PSMD1: variants seen among roughly 807,000 people sequenced by gnomAD.
PSMD1 encodes the protein 26S proteasome non-ATPase regulatory subunit 1.
A neutral mutation model predicts 119.0 loss-of-function variants in PSMD1; 18 were observed. The observed-to-expected ratio is 0.15, with a 90% CI of 0.10 to 0.22. PSMD1 has a LOEUF of 0.22. Among genes scored for constraint, PSMD1 ranks in the 10% least tolerant of loss-of-function variants. The pLI is 1.00. For synonymous variants in PSMD1, 374 were observed against 396.6 expected (o/e 0.94, Z 0.68); for missense variants, 702 against 1,158.5 (o/e 0.61, Z 5.72).
intron 1 of PSMD1, 53 bp from the exon 2 acceptor site, chr2:231,061,214 T>C: frequency 6.9e-7 from 1 of 1,439,810 alleles, no homozygotes; most frequent in Non-Finnish European, 9.6e-7. Context: ...GGTGTTAATT[T>C]CCACTTTAGT....
At chr2:231,109,157 T>C (rs1559233710) in intron 16 of PSMD1, 2 of 1,614,188 alleles carry the variant, frequency 1.2e-6, no homozygotes, top group Non-Finnish European at 8.5e-7. Context: ...TTCATCCCTT[T>C]GGAAAACTGT....
At chr2:231,149,835 A>C (rs192128019) in intron 18 of PSMD1, among the ~76,000 whole-genome samples, 2 of 152,256 alleles carry the variant, frequency 1.3e-5, no homozygotes, top group Admixed American at 6.5e-5. Context: ...AAGCAAATTA[A>C]TGCTGATAAA....
chr2:231,115,280 CAGGT>C (rs1426847342), intron 16 of PSMD1, among the ~76,000 whole-genome samples: 4 of 151,238 alleles, frequency 2.6e-5, no homozygotes, highest in Admixed American at 6.6e-5. Flanking sequence ...TTTTTAAAGT[CAGGT>C]AGGATTTCAG....
intron 19 of PSMD1, among the ~76,000 whole-genome samples, 153 bp downstream of exon 19, chr2:231,153,819 A>T (rs1333950352): frequency 6.6e-6 from 1 of 152,186 alleles, no homozygotes; most frequent in African/African-American, 2.4e-5. Flanking sequence ...GATCATGTAC[A>T]TTTAAGAGTA....
intron 16 of PSMD1, among the ~76,000 whole-genome samples, chr2:231,120,811 G>A (rs1048250555): frequency 3.3e-5 from 5 of 152,114 alleles, no homozygotes; most frequent in Non-Finnish European, 5.9e-5. Flanking sequence ...AACCAAGAAC[G>A]CTTGTTTGTA....
At chr2:231,150,340 G>A (rs936180821) in intron 18 of PSMD1, among the ~76,000 whole-genome samples, 11 of 150,328 alleles carry the variant, frequency 7.3e-5, no homozygotes, top group African/African-American at 2.7e-4. Context: ...CAGTGAGGCT[G>A]TCTCAAGGAG....
At chr2:231,153,220 A>G (rs752923184) in intron 18 of PSMD1, among the ~76,000 whole-genome samples, 2 of 152,240 alleles carry the variant, frequency 1.3e-5, no homozygotes, top group Non-Finnish European at 2.9e-5. Flanking sequence ...CAGAATAGCT[A>G]TAATTCAAAA....
rs1043995391 is a variant in PSMD1 at position 231,170,030 on chromosome 2, C to T, written c.2716-536C>T. Among the ~76,000 whole-genome samples the T allele has an allele frequency of 2.0e-5, 3 of 152,162 alleles. No individual in the cohort carries two copies. Among genetic ancestry groups the T allele is most frequent in the African/African-American group, 4.8e-5 (2 of 41,436 alleles). On this transcript the variant is annotated intron_variant, in intron 23 of 24. Coordinates refer to ENST00000308696, the MANE Select transcript of PSMD1 (RefSeq NM_002807.4). The surrounding 1 kb of genome is among the most constrained non-coding windows in gnomAD (Gnocchi z 4.1). Reference sequence around the variant, plus strand: ...AATTGGCTTTTAATTTATACACTCTCGTGTTCAAAATGATTATCATCTCAC... The same window carrying T: ...AATTGGCTTTTAATTTATACACTCTTGTGTTCAAAATGATTATCATCTCAC...
chr2:231,084,470 TGA>T (rs1694385312), intron 14 of PSMD1, among the ~76,000 whole-genome samples: 1 of 152,118 alleles, frequency 6.6e-6, no homozygotes, highest in African/African-American at 2.4e-5. Flanking sequence ...TTTATTTGGG[TGA>T]GGTTTTTTTT....
At position 231,165,279 on chromosome 2, in the gene PSMD1, T is replaced by G; in HGVS notation, c.2561T>G (p.Met854Arg). Reference sequence around the variant, plus strand: ...AAGGAAAAAAAGGAGGAGGAGAAAATGGAAGTGGTAGGTATAAATTGGTGG... The same window carrying G: ...AAGGAAAAAAAGGAGGAGGAGAAAAGGGAAGTGGTAGGTATAAATTGGTGG... ...KEKEKKEEEK[M>R]EVDEAEKKEE... Residue 854 changes from methionine to arginine, a missense_variant, in exon 22 of 25, where the codon ATG becomes AGG. Transcript: ENST00000308696. 1.3e-6 allele frequency: 2 copies of G among 1,594,212 alleles called. No individual in the cohort carries two copies. The highest frequency in any genetic ancestry group is 1.7e-6 in the Non-Finnish European group (2 of 1,167,884).
rs752517674 is a variant in PSMD1 at position 231,155,133 on chromosome 2, T to G, written c.2218+1467T>G. Among the ~76,000 whole-genome samples, 48 of 152,238 alleles carry G rather than the reference T, an allele frequency of 3.2e-4. 1 individual carries two copies. Among genetic ancestry groups the G allele is most frequent in the Non-Finnish European group, 3.1e-4 (21 of 68,028 alleles). ...TCAACTATGTGATTCTTTTTCTTGA[T>G]GTACCCTATCCATGTGAATATAATC... On this transcript the variant is annotated intron_variant, in intron 19 of 24. Transcript: ENST00000308696.
Position 231,170,766 on chromosome 2 carries a change from C to A in PSMD1, c.*9+45C>A. ...ATGAAGGGAAACTTCTTTGTCAATA[C>A]TTCACAAATGTTTTTTGCAAGGACA... On this transcript the variant is annotated intron_variant, in intron 24 of 24. Coordinates refer to ENST00000308696, the MANE Select transcript of PSMD1 (RefSeq NM_002807.4). The surrounding 1 kb of genome is among the most constrained non-coding windows in gnomAD (Gnocchi z 4.1). 1 of 1,502,680 alleles carries A rather than the reference C, an allele frequency of 6.7e-7. No individual in the cohort carries two copies. Among genetic ancestry groups the A allele is most frequent in the Non-Finnish European group, 8.9e-7 (1 of 1,120,546 alleles). 93.1% of individuals were successfully genotyped at this position (1,502,680 alleles called of 1,614,324 possible).
At chr2:231,148,409 T>A (rs1404302502) in intron 18 of PSMD1, among the ~76,000 whole-genome samples, 1 of 152,228 alleles carries the variant, frequency 6.6e-6, no homozygotes, top group Non-Finnish European at 1.5e-5. Context: ...TTTACAATTA[T>A]AATCTCTGTT....
intron 7 of PSMD1, among the ~76,000 whole-genome samples, chr2:231,073,119 T>G (rs938471948): frequency 6.6e-6 from 1 of 152,120 alleles, no homozygotes; most frequent in Non-Finnish European, 1.5e-5. Flanking sequence ...GATGGGGGAA[T>G]GACCGGTGTG....
chr2:231,091,265 A>G (rs1694582647), intron 16 of PSMD1, among the ~76,000 whole-genome samples: 1 of 152,248 alleles, frequency 6.6e-6, no homozygotes, highest in South Asian at 2.1e-4. Flanking sequence ...TAGTTTCTGG[A>G]GACAAGAGTA....
At chr2:231,121,094 C>T (rs919786618) in intron 16 of PSMD1, among the ~76,000 whole-genome samples, 6 of 152,064 alleles carry the variant, frequency 3.9e-5, no homozygotes, top group African/African-American at 1.4e-4. Context: ...TTGAATTATG[C>T]TTTAAATAAT....
Position 231,079,717 on chromosome 2 carries a change from TG to T in PSMD1, c.1239+104del, listed in dbSNP as rs1448627061. 11 of 686,102 alleles carry T rather than the reference TG, an allele frequency of 1.6e-5. No individual in the cohort carries two copies. The African/African-American group carries it at 1.6e-4, about 10-fold the overall frequency. 42.5% of individuals were successfully genotyped at this position (686,102 alleles called of 1,614,324 possible). On this transcript the variant is annotated intron_variant, in intron 11 of 24. Transcript: ENST00000308696. ...TTATAATTCATTAACAAGTACACTTTGTTAAGTCAGATAAGTCATTTTGTGG... is the reference window on the plus strand; with the variant it reads ...TTATAATTCATTAACAAGTACACTTTTTAAGTCAGATAAGTCATTTTGTGG...
chr2:231,089,506 G>A (rs935532709), intron 16 of PSMD1, among the ~76,000 whole-genome samples: 5 of 152,036 alleles, frequency 3.3e-5, no homozygotes, highest in Admixed American at 2.6e-4. Context: ...TTATGCTAAA[G>A]CTGTTCTACG....
chr2:231,165,082 A>ATATG (rs1559255951), intron 21 of PSMD1, 118 bp from the exon 22 acceptor site: 1 of 98,228 alleles, frequency 1.0e-5, no homozygotes, highest in Non-Finnish European at 2.0e-5. Context: ...ATATATATAT[A>ATATG]TATATATATG....
Sources: allele counts gnomAD v4.1 joint callset (sites outside exome capture counted in the v4.1 genomes callset), GRCh38; gene constraint gnomAD v4.1.1; non-coding constraint Gnocchi (gnomAD v3.1); transcripts MANE v1.5; gene names NCBI Gene and HGNC (gene_info 2026-07-23, HGNC 2026-07-21).